The following RFX7 variants were observed in gnomAD, a reference collection of about 807,000 sequenced individuals.
RFX7 encodes DNA-binding protein RFX7.
A neutral mutation model predicts 111.8 loss-of-function variants in RFX7; 26 were observed. The ratio of observed to expected loss-of-function variants is 0.23; its 90% confidence interval spans 0.17 to 0.32. The LOEUF (loss-of-function observed/expected upper bound fraction) is 0.32. RFX7 is among the 10% of genes least tolerant of loss of function. The pLI, the probability that RFX7 is intolerant of heterozygous loss-of-function variation, is 1.00. For missense variants in RFX7, 1,573 were observed against 1,772.9 expected (o/e 0.89, Z 2.02); for synonymous variants, 624 against 624.4 (o/e 1.00, Z 0.01).
rs558130812 is a variant in RFX7, at chr15:56,136,603, T to A, written c.401+6175A>T. The stretch of plus-strand genomic sequence containing the variant: ...TTCCTCTTTTCCTAATTGAATACCC[T>A]TTATTTCCTTCTCCTGCCTGACTGC... On this transcript the variant is annotated intron_variant, in intron 5 of 9. Transcript: ENST00000559447. Among the ~76,000 whole-genome samples the A allele has an allele frequency of 3.5e-3, 528 of 151,798 alleles. 8 individuals carry two copies. The highest frequency in any genetic ancestry group is 1.6e-3 in the Admixed American group (25 of 15,242).
At chr15:56,189,681 C>T (rs546242730) in intron 2 of RFX7, among the ~76,000 whole-genome samples, 10 of 152,214 alleles carry the variant, frequency 6.6e-5, no homozygotes, top group South Asian at 2.1e-4. Flanking sequence ...AAATCAAAAT[C>T]GCAACAATAC....
chr15:56,111,208 G>A (rs1285405080), intron 5 of RFX7, among the ~76,000 whole-genome samples: 3 of 145,998 alleles, frequency 2.1e-5, no homozygotes, highest in Non-Finnish European at 3.0e-5. Flanking sequence ...AATAGAAAGG[G>A]GGGAAAGGTG....
intron 2 of RFX7, among the ~76,000 whole-genome samples, chr15:56,181,166 C>G (rs2042967551): frequency 6.6e-6 from 1 of 152,224 alleles, no homozygotes; most frequent in South Asian, 2.1e-4. Flanking sequence ...TAATCTCATA[C>G]TAGTCTATTC....
In RFX7 at chr15:56,094,548, G is replaced by C. The variant is rs760449965; in HGVS notation, c.3180C>G (p.Thr1060=). Residue 1060 remains threonine (T), a synonymous_variant, in exon 10 of 10, where the codon ACC becomes ACG. Transcript: ENST00000559447. The stretch of plus-strand genomic sequence containing the variant: ...ACCCATTATTCATCCATTCAAGCTT[G>C]GTTTTGTCAGGGTGTGTGGCCATGG... The part of the protein sequence containing the change: ...QRPMATHPDK[T]KLEWMNNGYS... 1.9e-6 allele frequency: 3 copies of C among 1,613,872 alleles called. No homozygotes were observed. Among genetic ancestry groups the C allele is most frequent in the Non-Finnish European group, 2.5e-6 (3 of 1,179,852 alleles).
At chr15:56,114,367 C>T (rs562226524) in intron 5 of RFX7, among the ~76,000 whole-genome samples, 39 of 147,072 alleles carry the variant, frequency 2.7e-4, no homozygotes, top group African/African-American at 8.8e-4. Flanking sequence ...TCAGAGATCA[C>T]GCCACTGCAC....
At chr15:56,217,537 T>C (rs1036676574) in intron 2 of RFX7, among the ~76,000 whole-genome samples, 4 of 152,110 alleles carry the variant, frequency 2.6e-5, no homozygotes, top group African/African-American at 9.7e-5. Flanking sequence ...AAGGAATGCA[T>C]GTACTATTAT....
chr15:56,179,086 G>A (rs2042934490), intron 3 of RFX7, 184 bp downstream of exon 3: 1 of 210,016 alleles, frequency 4.8e-6, no homozygotes, highest in African/African-American at 2.4e-5. Context: ...TTATTGATGA[G>A]ATACAGGTAA....
intron 5 of RFX7, among the ~76,000 whole-genome samples, chr15:56,116,154 T>C (rs1334631533): frequency 6.6e-6 from 1 of 152,128 alleles, no homozygotes; most frequent in Non-Finnish European, 1.5e-5. Flanking sequence ...TCTGAACTCA[T>C]GTTAGTAAAA....
intron 9 of RFX7, among the ~76,000 whole-genome samples, chr15:56,097,058 C>A (rs2140517184): frequency 6.6e-6 from 1 of 152,176 alleles, no homozygotes; most frequent in Admixed American, 6.5e-5. Context: ...TAAACCACTG[C>A]AAATAAGATA....
chr15:56,168,528 T>C (rs8042763), intron 3 of RFX7, among the ~76,000 whole-genome samples: 1,942 of 152,318 alleles, frequency 0.013, 46 homozygotes, highest in African/African-American at 0.042. Context: ...TTGATAGGGA[T>C]ATACACAGAG....
intron 2 of RFX7, among the ~76,000 whole-genome samples, chr15:56,222,151 T>G (rs1382067462): frequency 6.6e-6 from 1 of 152,222 alleles, no homozygotes; most frequent in Non-Finnish European, 1.5e-5. Flanking sequence ...ATTTCCAGAT[T>G]GACAACTTTT....
At chr15:56,212,443 A>AT (rs1396823953) in intron 2 of RFX7, among the ~76,000 whole-genome samples, 1 of 152,154 alleles carries the variant, frequency 6.6e-6, no homozygotes, top group East Asian at 1.9e-4. Context: ...ATGTCATTAT[A>AT]TATCTGACCA....
intron 5 of RFX7, among the ~76,000 whole-genome samples, chr15:56,112,085 A>C (rs2041942861): frequency 6.6e-6 from 1 of 151,152 alleles, no homozygotes; most frequent in Admixed American, 6.6e-5. Flanking sequence ...ACTGCACTCC[A>C]GGCTGGGCAA....
intron 2 of RFX7, among the ~76,000 whole-genome samples, chr15:56,213,919 A>G (rs2043336951): frequency 1.3e-5 from 2 of 152,166 alleles, no homozygotes; most frequent in Admixed American, 6.5e-5. Flanking sequence ...TTTGTCACCT[A>G]CAATTGATTG....
chr15:56,165,725 A>T (rs962156523), intron 3 of RFX7, among the ~76,000 whole-genome samples: 1 of 152,212 alleles, frequency 6.6e-6, no homozygotes, highest in African/African-American at 2.4e-5. Context: ...AATATAGGCT[A>T]CCTGCATTTT....
chr15:56,122,900 A>T (rs2042096608), intron 5 of RFX7, among the ~76,000 whole-genome samples: 2 of 151,978 alleles, frequency 1.3e-5, no homozygotes, highest in East Asian at 3.9e-4. Context: ...AATGCCCTCA[A>T]ATCTGGGACT....
intron 5 of RFX7, among the ~76,000 whole-genome samples, chr15:56,135,381 C>T (rs1319264165): frequency 4.3e-4 from 65 of 152,182 alleles, no homozygotes; most frequent in Non-Finnish European, 7.9e-4. Flanking sequence ...ATGAGCATTT[C>T]TTCATGTGTT....
At chr15:56,237,817 T>C (rs2043641824) in intron 2 of RFX7, among the ~76,000 whole-genome samples, 1 of 152,176 alleles carries the variant, frequency 6.6e-6, no homozygotes, top group African/African-American at 2.4e-5. Flanking sequence ...TTTAAAATCA[T>C]AGGAGAGCAA....
intron 5 of RFX7, among the ~76,000 whole-genome samples, chr15:56,125,421 A>G (rs558863760): frequency 6.6e-6 from 1 of 152,268 alleles, no homozygotes; most frequent in South Asian, 2.1e-4. Context: ...AATTGCATTC[A>G]ATCTGTAGAC....
Sources: gnomAD v4.1 joint callset for allele counts (sites outside exome capture counted in the v4.1 genomes callset) on GRCh38, gnomAD v4.1.1 for gene constraint, MANE v1.5 for transcripts, NCBI Gene and HGNC (gene_info 2026-07-23, HGNC 2026-07-21) for gene names.